ZNF804A: variants seen among roughly 807,000 people sequenced by gnomAD.
ZNF804A encodes zinc finger protein 804A.
Under a neutral mutation model 16.5 loss-of-function variants are expected in ZNF804A, and 2 were observed. That is an observed-to-expected ratio of 0.12 (90% CI 0.05 to 0.38). The LOEUF is 0.38. Ranked by LOEUF, ZNF804A falls within the 10% of genes least tolerant of loss-of-function variation. The pLI is 0.99. For synonymous variants in ZNF804A, 534 were observed against 489.6 expected, an observed-to-expected ratio of 1.09 and a Z score of -1.20; for missense variants, 1,473 against 1,390.7, an observed-to-expected ratio of 1.06 and a Z score of -0.94.
chr2:184,644,805 T>A (rs905038624), intron 1 of ZNF804A, among the ~76,000 whole-genome samples: 1 of 152,056 alleles, frequency 6.6e-6, no homozygotes, highest in Non-Finnish European at 1.5e-5. Context: ...GAGACCATGT[T>A]AAGGAAACAT....
intron 1 of ZNF804A, among the ~76,000 whole-genome samples, chr2:184,712,982 A>G (rs553461737): frequency 2.0e-5 from 3 of 151,862 alleles, no homozygotes; most frequent in African/African-American, 7.2e-5. Context: ...AAACAATTAT[A>G]TTGAGCGTTT....
intron 2 of ZNF804A, among the ~76,000 whole-genome samples, chr2:184,933,401 T>C (rs1015312210): frequency 6.6e-6 from 1 of 152,208 alleles, no homozygotes; most frequent in African/African-American, 2.4e-5. Context: ...AATTTCACTA[T>C]GATGTAATAA....
intron 1 of ZNF804A, among the ~76,000 whole-genome samples, chr2:184,715,522 G>A (rs577350899): frequency 2.6e-5 from 4 of 151,994 alleles, no homozygotes; most frequent in East Asian, 1.9e-4. Context: ...CATATAGCTA[G>A]GACTACAGGC....
intron 1 of ZNF804A, among the ~76,000 whole-genome samples, chr2:184,678,137 T>C (rs538070227): frequency 6.6e-6 from 1 of 152,110 alleles, no homozygotes; most frequent in Non-Finnish European, 1.5e-5. Flanking sequence ...TATCTCCATA[T>C]ACTTTGAAGT....
intron 1 of ZNF804A, among the ~76,000 whole-genome samples, chr2:184,620,556 T>C (rs1403147662): frequency 6.6e-6 from 1 of 151,820 alleles, no homozygotes; most frequent in Admixed American, 6.6e-5. Flanking sequence ...AGTAACAGGA[T>C]ATGATGATTC....
intron 1 of ZNF804A, among the ~76,000 whole-genome samples, chr2:184,787,071 T>A (rs1694459609): frequency 6.6e-6 from 1 of 151,948 alleles, no homozygotes; most frequent in Admixed American, 6.6e-5. Context: ...CAAATATTGA[T>A]CGTTGTACCC....
At chr2:184,747,376 G>A (rs1299212259) in intron 1 of ZNF804A, among the ~76,000 whole-genome samples, 4 of 138,906 alleles carry the variant, frequency 2.9e-5, no homozygotes, top group African/African-American at 1.0e-4. Flanking sequence ...ACTTGTAAAT[G>A]TACAGATGTT....
At chr2:184,599,424 G>A (rs1161993397) in intron 1 of ZNF804A, among the ~76,000 whole-genome samples, 2 of 152,166 alleles carry the variant, frequency 1.3e-5, no homozygotes, top group Non-Finnish European at 2.9e-5. Flanking sequence ...TTTGGCTTAG[G>A]AGGCTGAAGG....
At chr2:184,782,188 A>G (rs540403783) in intron 1 of ZNF804A, among the ~76,000 whole-genome samples, 65 of 151,874 alleles carry the variant, frequency 4.3e-4, no homozygotes, top group African/African-American at 1.2e-3. Flanking sequence ...GTTGGGGGAC[A>G]CCATTTAGCT....
chr2:184,933,791 G>A, intron 3 of ZNF804A, 58 bp downstream of exon 3: 2 of 1,535,668 alleles, frequency 1.3e-6, no homozygotes, highest in Non-Finnish European at 8.8e-7. Flanking sequence ...AGGGGTATAG[G>A]GGGAGTCAGA....
Position 184,935,975 on chromosome 2 carries a change from T to C in ZNF804A, c.579T>C (p.Tyr193=), listed in dbSNP as rs757422376. 1 of 1,613,998 alleles carries C rather than the reference T, an allele frequency of 6.2e-7. No homozygotes were observed. The highest frequency in any genetic ancestry group is 8.5e-7 in the Non-Finnish European group (1 of 1,179,944). The change falls in exon 4 of 4, where the codon TAT becomes TAC. Residue 193 remains tyrosine (Y), a synonymous_variant. Transcript: ENST00000302277. ...AAGATCCAGAAAGTGCAAATAATTATACAGCAAAAAATAACCAAGTTGGGG... is the reference window on the plus strand; with the variant it reads ...AAGATCCAGAAAGTGCAAATAATTACACAGCAAAAAATAACCAAGTTGGGG... ...VAEDPESANN[Y]TAKNNQVGDQ...
At chr2:184,705,634 C>T (rs1277781313) in intron 1 of ZNF804A, among the ~76,000 whole-genome samples, 4 of 151,940 alleles carry the variant, frequency 2.6e-5, no homozygotes, top group South Asian at 2.1e-4. Context: ...CTGAAGTGTA[C>T]GTTTGTGCTA....
intron 1 of ZNF804A, among the ~76,000 whole-genome samples, chr2:184,787,170 T>A (rs528452894): frequency 1.2e-4 from 18 of 152,098 alleles, no homozygotes; most frequent in African/African-American, 3.9e-4. Context: ...TGTTCATTCT[T>A]ACACTTTGTT....
intron 1 of ZNF804A, among the ~76,000 whole-genome samples, chr2:184,740,734 AT>A (rs1384805907): frequency 6.6e-6 from 1 of 152,054 alleles, no homozygotes; most frequent in Non-Finnish European, 1.5e-5. Flanking sequence ...AACTTTTTGA[AT>A]TTTTAATATG....
chr2:184,926,399 TG>T (rs1685613577), intron 2 of ZNF804A, among the ~76,000 whole-genome samples: 2 of 152,094 alleles, frequency 1.3e-5, no homozygotes, highest in African/African-American at 4.8e-5. Flanking sequence ...TTATATTATT[TG>T]TTTCTTCTTT....
intron 1 of ZNF804A, among the ~76,000 whole-genome samples, chr2:184,828,772 T>C (rs1695212598): frequency 6.6e-6 from 1 of 151,850 alleles, no homozygotes; most frequent in African/African-American, 2.4e-5. Context: ...ATTTAGAGCT[T>C]AGTAGCTTGA....
At chr2:184,845,988 T>C (rs1695508569) in intron 1 of ZNF804A, among the ~76,000 whole-genome samples, 1 of 152,132 alleles carries the variant, frequency 6.6e-6, no homozygotes, top group South Asian at 2.1e-4. Context: ...GATTTTAAGA[T>C]GGTATTTTAC....
chr2:184,682,668 A>C (rs1692561947), intron 1 of ZNF804A, among the ~76,000 whole-genome samples: 1 of 152,184 alleles, frequency 6.6e-6, no homozygotes, highest in Non-Finnish European at 1.5e-5. Flanking sequence ...GTCATTCGAT[A>C]TGCAAATCAA....
rs758664598 is a variant in ZNF804A, at chr2:184,937,761, A to G, written c.2365A>G (p.Asn789Asp). Residue 789 changes from asparagine (N) to aspartate (D), a missense_variant, in exon 4 of 4, where the codon AAT (asparagine) becomes GAT (aspartate). Transcript: ENST00000302277. ...TTCAGATGAAAGTTTAAATCGACAG[A>G]ATCATTTACCAGAAGAATTTTTGAG... ...YSSDESLNRQ[N>D]HLPEEFLRPP... is the part of the protein sequence containing the mutation. 2 of 1,614,048 alleles carry G rather than the reference A, an allele frequency of 1.2e-6. No individual in the cohort carries two copies. The highest frequency in any genetic ancestry group is 1.7e-6 in the Non-Finnish European group (2 of 1,179,974).
Sources: gnomAD v4.1 joint callset for allele counts (sites outside exome capture counted in the v4.1 genomes callset) on GRCh38, gnomAD v4.1.1 for gene constraint, MANE v1.5 for transcripts, NCBI Gene and HGNC (gene_info 2026-07-23, HGNC 2026-07-21) for gene names.